WNT3: variants seen among roughly 807,000 people sequenced by gnomAD.
WNT3 encodes the protein Wnt family member 3, also known as proto-oncogene Wnt-3.
A neutral mutation model predicts 34.2 loss-of-function variants in WNT3; 7 were observed. The ratio of observed to expected loss-of-function variants is 0.20; its 90% confidence interval spans 0.12 to 0.38. The LOEUF (loss-of-function observed/expected upper bound fraction) is 0.38. WNT3 is among the 10% of genes least tolerant of loss of function. The pLI is 1.00. For missense variants in WNT3, 267 were observed against 499.8 expected, an observed-to-expected ratio of 0.53 and a Z score of 4.44; for synonymous variants, 212 against 211.5, an observed-to-expected ratio of 1.00 and a Z score of -0.02.
intron 2 of WNT3, 49 bp downstream of exon 2, chr17:46,773,619 T>TGGGGGGGGGGGGGGGGGGGGGGGGGG: frequency 5.5e-6 from 3 of 549,848 alleles, no homozygotes; most frequent in Non-Finnish European, 9.7e-6. Context: ...ACAGTCCTGA[T>TGGGGGGGGGGGGGGGGGGGGGGGGGG]CCCTCCCCCC....
chr17:46,778,872 T>G (rs2059433445), intron 1 of WNT3, among the ~76,000 whole-genome samples: 2 of 152,148 alleles, frequency 1.3e-5, no homozygotes, highest in Non-Finnish European at 2.9e-5. Context: ...AAGCCTTCTG[T>G]GAGCTCCAGA....
At chr17:46,783,143 C>G (rs2059476208) in intron 1 of WNT3, among the ~76,000 whole-genome samples, 1 of 152,208 alleles carries the variant, frequency 6.6e-6, no homozygotes, top group Admixed American at 6.5e-5. Flanking sequence ...GCACCCTTGC[C>G]TATGTCTAGG....
intron 1 of WNT3, among the ~76,000 whole-genome samples, chr17:46,794,836 C>G (rs1304152917): frequency 1.3e-5 from 2 of 150,998 alleles, no homozygotes; most frequent in East Asian, 3.9e-4. Context: ...CTGCAACCTG[C>G]ACCTCCCAGG....
Position 46,783,609 on chromosome 17 carries a change from C to T in WNT3, c.81-9700G>A, listed in dbSNP as rs1476906843. Among the ~76,000 whole-genome samples the T allele has an allele frequency of 5.9e-5, 9 of 152,178 alleles. No individual in the cohort carries two copies. The East Asian group carries it at 1.5e-3, about 26-fold the overall frequency. ...TCCCAAGGCACTTGTAACTTTCAGCCCCAGTAACCTCTGGGCCAGAGGGTG... is the reference window on the plus strand; with the variant it reads ...TCCCAAGGCACTTGTAACTTTCAGCTCCAGTAACCTCTGGGCCAGAGGGTG... On this transcript the variant is annotated intron_variant, in intron 1 of 4. Transcript: ENST00000225512.
rs2059330961 is a variant in WNT3, at chr17:46,768,138, A to G, written c.*8+174T>C. 6.6e-6 allele frequency among the ~76,000 whole-genome samples: 1 copy of G among 152,196 alleles called. No homozygotes were observed. Among genetic ancestry groups the G allele is most frequent in the Non-Finnish European group, 1.5e-5 (1 of 68,032 alleles). On this transcript the variant is annotated intron_variant, in intron 4 of 4. Transcript: ENST00000225512. The surrounding 1 kb of genome is among the most constrained non-coding windows in gnomAD (Gnocchi z 5.0). ...GTGCAATCCACCAAGTCTCTGCCCA[A>G]GGACCATTCCCACGGATGCTTGAAA...
intron 1 of WNT3, among the ~76,000 whole-genome samples, chr17:46,779,077 A>ACACACACACACC (rs1357395454): frequency 7.6e-5 from 11 of 145,672 alleles, no homozygotes; most frequent in Non-Finnish European, 1.6e-4. Context: ...ACACACACAC[A>ACACACACACACC]CACACACACA....
At chr17:46,784,482 G>A (rs777161380) in intron 1 of WNT3, among the ~76,000 whole-genome samples, 2 of 152,102 alleles carry the variant, frequency 1.3e-5, no homozygotes, top group Non-Finnish European at 2.9e-5. Context: ...GACACTGAGC[G>A]TCACGGTGGG....
At chr17:46,795,861 C>T (rs2146432999) in intron 1 of WNT3, among the ~76,000 whole-genome samples, 1 of 152,350 alleles carries the variant, frequency 6.6e-6, no homozygotes, top group Admixed American at 6.5e-5. Context: ...CTCTCTGTCT[C>T]TGTCTCTCCC....
chr17:46,779,103 A>ACACACACACACACCCCCC (rs749719578), intron 1 of WNT3, among the ~76,000 whole-genome samples: 11 of 133,656 alleles, frequency 8.2e-5, no homozygotes, highest in Admixed American at 3.1e-4. Context: ...ACACACACAC[A>ACACACACACACACCCCCC]CCCCAGCCCA....
chr17:46,815,746 T>A (rs1366758385), intron 1 of WNT3, among the ~76,000 whole-genome samples: 3 of 152,300 alleles, frequency 2.0e-5, no homozygotes, highest in African/African-American at 7.2e-5. Context: ...AGGAAGCCTG[T>A]GCCCCTGCCT....
chr17:46,812,067 C>A (rs1003864940), intron 1 of WNT3, among the ~76,000 whole-genome samples: 1 of 152,210 alleles, frequency 6.6e-6, no homozygotes, highest in Non-Finnish European at 1.5e-5. Flanking sequence ...GGCCCGTTTT[C>A]CAGCCCGTCG....
intron 1 of WNT3, among the ~76,000 whole-genome samples, chr17:46,813,935 C>T (rs3851781): frequency 0.45 from 68,292 of 152,148 alleles, 16,303 homozygotes; most frequent in East Asian, 0.69. Context: ...TTGTCAGTGA[C>T]TGAGCATGTA....
rs1174542818 is a variant in WNT3 at position 46,771,881 on chromosome 17, C to CGCCCCCGCCCCT, written c.322+1775_322+1786dup. On this transcript the variant is annotated intron_variant, in intron 2 of 4. Coordinates refer to ENST00000225512, the MANE Select transcript of WNT3 (RefSeq NM_030753.5). ...AGGCCGCCCAGGCCCCTCCGGCGCC[C>CGCCCCCGCCCCT]GCCCCCGCCCCTGCCCCCGCCCCCG... Among the ~76,000 whole-genome samples, 36 of 144,882 alleles carry CGCCCCCGCCCCT rather than the reference C, an allele frequency of 2.5e-4. 1 individual carries two copies. In the East Asian group the frequency reaches 5.4e-3, roughly 22 times the overall value.
chr17:46,792,127 T>C (rs961361896), intron 1 of WNT3, among the ~76,000 whole-genome samples: 2 of 152,154 alleles, frequency 1.3e-5, no homozygotes, highest in African/African-American at 4.8e-5. Flanking sequence ...TCTCTGCAAA[T>C]GGGATGTGTG....
chr17:46,775,050 C>T (rs1188759599), intron 1 of WNT3, among the ~76,000 whole-genome samples: 2 of 152,130 alleles, frequency 1.3e-5, no homozygotes, highest in Admixed American at 6.5e-5. Flanking sequence ...AAAGAGGGGC[C>T]GGGAGAAGAC....
chr17:46,801,274 C>T, intron 1 of WNT3, among the ~76,000 whole-genome samples: 1 of 152,166 alleles, frequency 6.6e-6, no homozygotes. Flanking sequence ...GAGGAGTATA[C>T]AACAACACAG....
chr17:46,810,798 A>T (rs1042835247), intron 1 of WNT3, among the ~76,000 whole-genome samples: 2 of 152,120 alleles, frequency 1.3e-5, no homozygotes, highest in African/African-American at 4.8e-5. Context: ...CCAGCAGCTT[A>T]TCCAACTCTC....
At chr17:46,816,744 G>A (rs1346032701) in intron 1 of WNT3, among the ~76,000 whole-genome samples, 1 of 152,138 alleles carries the variant, frequency 6.6e-6, no homozygotes, top group African/African-American at 2.4e-5. Context: ...CGGAGAGACT[G>A]GTCTCTCTTC....
rs1447018286 is a variant in WNT3, at chr17:46,768,370, C to T, written c.1018G>A (p.Val340Ile). 1 of 1,613,864 alleles carries T rather than the reference C, an allele frequency of 6.2e-7. No individual in the cohort carries two copies. The change falls in exon 4 of 5, where the codon GTC becomes ATC. Residue 340 changes from valine to isoleucine, a missense_variant. Val to Ile is a conservative substitution (Grantham distance 29). Transcript: ENST00000225512. This position sits in a 1 kb window ranked among gnomAD's most constrained non-coding sequence, Gnocchi z 5.0. ...ATGCGAATACACTCCTGGCAGCTGA[C>T]GTAGCAGCACCAGTGGAAGATGCAG... ...CHCIFHWCCY[V>I]SCQECIRIYD... is the part of the protein sequence containing the mutation.
Sources: allele counts gnomAD v4.1 joint callset (sites outside exome capture counted in the v4.1 genomes callset), GRCh38; gene constraint gnomAD v4.1.1; non-coding constraint Gnocchi (gnomAD v3.1); transcripts MANE v1.5; gene names NCBI Gene and HGNC (gene_info 2026-07-23, HGNC 2026-07-21).